Variants in LRP1B observed in about 807,000 individuals in gnomAD.
The protein encoded by LRP1B is low-density lipoprotein receptor-related protein 1B.
LRP1B carries 217 observed loss-of-function variants against 556.6 expected under a neutral mutation model. The observed-to-expected ratio is 0.39, with a 90% CI of 0.35 to 0.44. The LOEUF (loss-of-function observed/expected upper bound fraction) is 0.44. Among genes scored for constraint, LRP1B ranks in the 20% least tolerant of loss-of-function variants. LRP1B has a pLI of 1.00. For missense variants in LRP1B, 5,053 were observed against 5,620.8 expected (o/e 0.90, Z 3.23); for synonymous variants, 2,047 against 1,865.8 (o/e 1.10, Z -2.50).
In LRP1B at chr2:140,429,882, T is replaced by C. The variant is rs373388607; in HGVS notation, c.10414+12622A>G. On this transcript the variant is annotated intron_variant, in intron 66 of 90. Transcript: ENST00000389484. ...TTCTCACAACTTCCAAAATCTATTT[T>C]CTTCCTCACACCTGACACATATACT... Among the ~76,000 whole-genome samples the C allele has an allele frequency of 2.0e-4, 30 of 151,286 alleles. 1 individual carries two copies. In the South Asian group the frequency reaches 6.2e-3, roughly 32 times the overall value.
chr2:141,526,647 T>G (rs1684701410), intron 2 of LRP1B, among the ~76,000 whole-genome samples: 1 of 152,052 alleles, frequency 6.6e-6, no homozygotes, highest in Non-Finnish European at 1.5e-5. Flanking sequence ...CTTAATGTTT[T>G]AATTGTAATG....
At chr2:141,821,195 C>A (rs371269728) in intron 1 of LRP1B, among the ~76,000 whole-genome samples, 14 of 152,200 alleles carry the variant, frequency 9.2e-5, no homozygotes, top group African/African-American at 3.4e-4. Context: ...CTGACTCCCA[C>A]GCTGTAAGAC....
intron 86 of LRP1B, among the ~76,000 whole-genome samples, chr2:140,254,716 G>A (rs1258317547): frequency 6.6e-6 from 1 of 151,946 alleles, no homozygotes; most frequent in Non-Finnish European, 1.5e-5. Flanking sequence ...ACCACACCCG[G>A]CTGATGTTTG....
At chr2:141,727,763 A>G (rs1693094379) in intron 2 of LRP1B, among the ~76,000 whole-genome samples, 1 of 152,116 alleles carries the variant, frequency 6.6e-6, no homozygotes, top group African/African-American at 2.4e-5. Flanking sequence ...AGCAACATAT[A>G]TATTTTATAT....
At chr2:141,955,788 C>T (rs1410886899) in intron 1 of LRP1B, among the ~76,000 whole-genome samples, 3 of 152,118 alleles carry the variant, frequency 2.0e-5, no homozygotes, top group Non-Finnish European at 4.4e-5. Context: ...TAGCCTGTCT[C>T]TGCATTTTCC....
At chr2:140,579,541 C>T (rs7579358) in intron 43 of LRP1B, among the ~76,000 whole-genome samples, 38,946 of 152,084 alleles carry the variant, frequency 0.26, 5,099 homozygotes, top group South Asian at 0.32. Context: ...GACATCTTTA[C>T]ATTTTAAAAG....
chr2:141,083,306 T>A (rs1467394589), intron 7 of LRP1B, among the ~76,000 whole-genome samples: 6 of 151,242 alleles, frequency 4.0e-5, no homozygotes, highest in African/African-American at 1.5e-4. Flanking sequence ...GGCATAAAAA[T>A]GTTAGCTAAA....
rs181095637 is a variant in LRP1B, at chr2:141,027,201, C to T, written c.1790-7099G>A. ...GGTACAAACTTTCCAATCACAAAGA[C>T]CGTATATAGTGAAAGTCTGCAAATT... On this transcript the variant is annotated intron_variant, in intron 11 of 90. Coordinates refer to ENST00000389484, the MANE Select transcript of LRP1B (RefSeq NM_018557.3). 3.9e-4 allele frequency among the ~76,000 whole-genome samples: 60 copies of T among 152,198 alleles called. 1 individual carries two copies. Among genetic ancestry groups the T allele is most frequent in the African/African-American group, 1.4e-3 (59 of 41,562 alleles).
chr2:141,437,871 C>T (rs1050282416), intron 3 of LRP1B, among the ~76,000 whole-genome samples: 1 of 152,066 alleles, frequency 6.6e-6, no homozygotes, highest in Non-Finnish European at 1.5e-5. Flanking sequence ...CTAAGACCTT[C>T]TGCAAGGTTG....
At chr2:140,676,670 G>C (rs1438777436) in intron 41 of LRP1B, among the ~76,000 whole-genome samples, 1 of 152,118 alleles carries the variant, frequency 6.6e-6, no homozygotes, top group Admixed American at 6.6e-5. Flanking sequence ...TTGGATTCTT[G>C]AAAATAATTT....
chr2:140,418,509 G>C (rs114557458), intron 66 of LRP1B, among the ~76,000 whole-genome samples: 2,147 of 152,186 alleles, frequency 0.014, 50 homozygotes, highest in African/African-American at 0.048. Flanking sequence ...TACAGTCAAG[G>C]CAGAATATGC....
At chr2:141,910,801 A>T (rs909918006) in intron 1 of LRP1B, among the ~76,000 whole-genome samples, 10 of 152,054 alleles carry the variant, frequency 6.6e-5, no homozygotes, top group South Asian at 6.2e-4. Context: ...AATTTTTTTT[A>T]AAAAAGTAAG....
intron 1 of LRP1B, among the ~76,000 whole-genome samples, chr2:142,089,150 C>G (rs558649499): frequency 1.3e-5 from 2 of 152,152 alleles, no homozygotes; most frequent in East Asian, 3.9e-4. Flanking sequence ...AGCTTACATT[C>G]TTTTGAAGGG....
intron 3 of LRP1B, among the ~76,000 whole-genome samples, chr2:141,326,976 A>C (rs969889023): frequency 1.1e-4 from 16 of 152,238 alleles, no homozygotes; most frequent in Admixed American, 9.8e-4. Flanking sequence ...CTATTGCATC[A>C]ATCTAGCAAA....
At chr2:140,622,651 T>G (rs1683496244) in intron 41 of LRP1B, among the ~76,000 whole-genome samples, 1 of 152,182 alleles carries the variant, frequency 6.6e-6, no homozygotes, top group Non-Finnish European at 1.5e-5. Flanking sequence ...TTCCACTATG[T>G]TCCTTAGTTG....
chr2:140,268,002 G>A (rs913245176), intron 86 of LRP1B, among the ~76,000 whole-genome samples: 1 of 151,854 alleles, frequency 6.6e-6, no homozygotes, highest in African/African-American at 2.4e-5. Flanking sequence ...GGTAATACAG[G>A]TACATTCTCT....
rs182273858 is a variant in LRP1B at position 140,652,558 on chromosome 2, A to T, written c.6799+47692T>A. Reference sequence around the variant, plus strand: ...ACTAAAGCTGTATACAAAGAAAAGAATCACACTGACTTCACACCCCTCTAT... The same window carrying T: ...ACTAAAGCTGTATACAAAGAAAAGATTCACACTGACTTCACACCCCTCTAT... On this transcript the variant is annotated intron_variant, in intron 41 of 90. Transcript: ENST00000389484. Among the ~76,000 whole-genome samples the T allele has an allele frequency of 7.2e-5, 11 of 152,252 alleles. No individual in the cohort carries two copies. In the East Asian group the frequency reaches 2.1e-3, roughly 29 times the overall value.
In LRP1B at chr2:141,413,994, G is replaced by A. The variant is rs1213918025; in HGVS notation, c.343+66402C>T. Among the ~76,000 whole-genome samples the A allele has an allele frequency of 2.0e-5, 3 of 152,104 alleles. 1 individual carries two copies. The highest frequency in any genetic ancestry group is 4.4e-5 in the Non-Finnish European group (3 of 68,008). On this transcript the variant is annotated intron_variant, in intron 3 of 90. Transcript: ENST00000389484. ...GCCTGTAATCCCAGCACTTTGGGAG[G>A]CTGAGGTGGGCGCATCACGAGGTCA...
chr2:142,129,572 TTCTTTCTCTCTTTCTCTCTCTCTCTCTC>T (rs1390950298), intron 1 of LRP1B, among the ~76,000 whole-genome samples: 1 of 137,270 alleles, frequency 7.3e-6, no homozygotes, highest in African/African-American at 2.7e-5. Context: ...GGATCTGGGT[TTCTTTCTCTCTTTCTCTCTCTCTCTCTC>T]TCTCTCTCTC....
Sources: gnomAD v4.1 joint callset for allele counts (sites outside exome capture counted in the v4.1 genomes callset) on GRCh38, gnomAD v4.1.1 for gene constraint, MANE v1.5 for transcripts, NCBI Gene and HGNC (gene_info 2026-07-23, HGNC 2026-07-21) for gene names.